ZMYND8: variants seen among roughly 807,000 people sequenced by gnomAD.
ZMYND8 encodes zinc finger MYND-type containing 8, also known as MYND-type zinc finger-containing chromatin reader ZMYND8.
In ZMYND8, 37 loss-of-function variants were observed where a neutral mutation model predicts 140.8. The observed-to-expected ratio is 0.26, with a 90% CI of 0.20 to 0.35. The LOEUF is 0.35. ZMYND8 is among the 10% of genes least tolerant of loss of function. The probability of loss-of-function intolerance (pLI) is 1.00; values close to 1 mark genes in which losing one functional copy is unlikely to be tolerated. For missense variants in ZMYND8, 1,068 were observed against 1,570.0 expected (o/e 0.68, Z 5.40); for synonymous variants, 592 against 597.1 (o/e 0.99, Z 0.12).
intron 2 of ZMYND8, among the ~76,000 whole-genome samples, chr20:47,343,497 T>C (rs2082076236): frequency 6.6e-6 from 1 of 152,120 alleles, no homozygotes; most frequent in South Asian, 2.1e-4. Flanking sequence ...AAAAGACTAA[T>C]ACCCCATACA....
At chr20:47,287,743 A>G (rs567944791) in intron 7 of ZMYND8, among the ~76,000 whole-genome samples, 1 of 152,196 alleles carries the variant, frequency 6.6e-6, no homozygotes, top group East Asian at 1.9e-4. Context: ...TGTAATCCCA[A>G]CACCTTGGGA....
chr20:47,224,194 G>T, intron 19 of ZMYND8, 123 bp downstream of exon 19: 1 of 1,474,044 alleles, frequency 6.8e-7, no homozygotes, highest in Non-Finnish European at 9.1e-7. Flanking sequence ...GTTTTTGAGT[G>T]AAAGTGTCCA....
At chr20:47,293,216 CAGGG>C (rs1306119803) in intron 5 of ZMYND8, among the ~76,000 whole-genome samples, 7 of 8,778 alleles carry the variant, frequency 8.0e-4, no homozygotes, top group Middle Eastern at 0.12. Flanking sequence ...GGCAGGCAGG[CAGGG>C]AGGGAGGGAG....
chr20:47,276,245 C>T (rs2076249738), intron 11 of ZMYND8, 69 bp downstream of exon 11: 2 of 1,464,874 alleles, frequency 1.4e-6, no homozygotes. Flanking sequence ...TTGGGCCCAC[C>T]AAGTGTGCAC....
chr20:47,209,333 CAAAG>C lies in ZMYND8; in HGVS notation c.*1424_*1427del, dbSNP rs1306311446. ...TAGTGTGAGTCTACTGGCTCAGTCA[CAAAG>C]AAACACCACCATCAAAAAGATATTT... On this transcript the variant is annotated 3_prime_UTR_variant, in exon 23 of 23. Coordinates refer to ENST00000471951, the MANE Select transcript of ZMYND8 (RefSeq NM_001281775.3). 1.3e-5 allele frequency: 2 copies of C among 152,022 alleles called. No homozygotes were observed. The highest frequency in any genetic ancestry group is 2.4e-5 in the African/African-American group (1 of 41,388). The allele number at this position is 152,022 out of a possible 1,614,324, so 9.4% of individuals were successfully genotyped here. A position where few individuals can be genotyped will look rare whatever the true frequency, so the allele number is the denominator to read the frequency against.
chr20:47,213,709 C>T (rs1345847748), intron 21 of ZMYND8, among the ~76,000 whole-genome samples: 1 of 152,142 alleles, frequency 6.6e-6, no homozygotes, highest in Non-Finnish European at 1.5e-5. Context: ...GCTAAGGAGG[C>T]AAGTGTTTCA....
intron 21 of ZMYND8, 38 bp from the exon 22 acceptor site, chr20:47,212,763 A>C: frequency 6.4e-7 from 1 of 1,561,346 alleles, no homozygotes; most frequent in East Asian, 2.3e-5. Context: ...AGTCTGTCAG[A>C]GAGCTGGAAT....
chr20:47,311,456 C>A (rs2078924742), intron 2 of ZMYND8, among the ~76,000 whole-genome samples: 1 of 152,094 alleles, frequency 6.6e-6, no homozygotes, highest in African/African-American at 2.4e-5. Flanking sequence ...GAGATCAAGA[C>A]CAGCTGGGCC....
At chr20:47,257,480 A>AACACACACATACATACTTATATACCAT (rs1402479244) in intron 12 of ZMYND8, among the ~76,000 whole-genome samples, 32 of 151,928 alleles carry the variant, frequency 2.1e-4, no homozygotes, top group Non-Finnish European at 5.9e-5. Flanking sequence ...ACGCAAATAC[A>AACACACACATACATACTTATATACCAT]ACACACACAT....
At position 47,291,755 on chromosome 20, in the gene ZMYND8, A is replaced by G. The variant is rs766690149; in HGVS notation, c.660+41T>C. 4.5e-6 allele frequency: 7 copies of G among 1,554,460 alleles called. No individual in the cohort carries two copies. In the South Asian group the frequency reaches 4.7e-5, roughly 10 times the overall value. Reference sequence around the variant, plus strand: ...TGAGGGAAGAGCCTTAGGCATCTCAACTGTGGGCTAGAATGGTGAGGTTCT... The same window carrying G: ...TGAGGGAAGAGCCTTAGGCATCTCAGCTGTGGGCTAGAATGGTGAGGTTCT... On this transcript the variant is annotated intron_variant, in intron 6 of 22. Transcript: ENST00000471951.
At chr20:47,348,016 C>A (rs762498950) in intron 1 of ZMYND8, 90 bp from the exon 2 acceptor site, 7 of 1,238,944 alleles carry the variant, frequency 5.6e-6, no homozygotes, top group Non-Finnish European at 8.2e-6. Flanking sequence ...AACAAACACA[C>A]CTTAAAGACA....
intron 12 of ZMYND8, among the ~76,000 whole-genome samples, chr20:47,259,666 C>CCAGAA (rs1306715570): frequency 6.6e-6 from 1 of 152,148 alleles, no homozygotes; most frequent in African/African-American, 2.4e-5. Flanking sequence ...TCCTCCTCAA[C>CCAGAA]CAGAACTCCA....
chr20:47,273,256 G>A lies in ZMYND8; in HGVS notation c.1480+3058C>T, dbSNP rs551439354. 2.8e-4 allele frequency among the ~76,000 whole-genome samples: 43 copies of A among 152,302 alleles called. No individual in the cohort carries two copies. In the South Asian group the frequency reaches 8.5e-3, roughly 30 times the overall value. The stretch of plus-strand genomic sequence containing the variant: ...GGGGGGAAAAGAATTAATAGCTCAT[G>A]AAACATGCAACTTATATGAAATTTA... On this transcript the variant is annotated intron_variant, in intron 11 of 22. Transcript: ENST00000471951.
At chr20:47,302,335 C>T (rs1365863448) in intron 3 of ZMYND8, among the ~76,000 whole-genome samples, 1 of 152,110 alleles carries the variant, frequency 6.6e-6, no homozygotes, top group African/African-American at 2.4e-5. Context: ...ATTAGCTGGG[C>T]ATGGTGGCAC....
intron 2 of ZMYND8, among the ~76,000 whole-genome samples, chr20:47,346,946 A>C: frequency 6.6e-6 from 1 of 152,152 alleles, no homozygotes; most frequent in East Asian, 1.9e-4. Context: ...TTTTGGTTTC[A>C]GACGCCTTTA....
At chr20:47,317,088 A>G (rs1305523456) in intron 2 of ZMYND8, among the ~76,000 whole-genome samples, 1 of 152,154 alleles carries the variant, frequency 6.6e-6, no homozygotes, top group East Asian at 1.9e-4. Context: ...GGACTCCCTA[A>G]TTTAGGGTCT....
intron 16 of ZMYND8, among the ~76,000 whole-genome samples, chr20:47,232,906 G>T (rs6018351): frequency 0.031 from 3,794 of 123,252 alleles, 169 homozygotes; most frequent in African/African-American, 0.12. Context: ...TGTTTTTTTT[G>T]TTTTTTTTTT....
At chr20:47,309,327 G>A (rs1478638796) in intron 3 of ZMYND8, among the ~76,000 whole-genome samples, 1 of 150,282 alleles carries the variant, frequency 6.7e-6, no homozygotes, top group East Asian at 1.9e-4. Context: ...TTTTTTCTGA[G>A]ATAGAGTCTC....
chr20:47,287,334 C>T (rs1437473185), intron 7 of ZMYND8, 50 bp from the exon 8 acceptor site: 7 of 1,490,582 alleles, frequency 4.7e-6, no homozygotes, highest in Middle Eastern at 1.7e-4. Context: ...ACCGCAACAC[C>T]GGGCCTGGGG....
Sources: gnomAD v4.1 joint callset for allele counts (sites outside exome capture counted in the v4.1 genomes callset) on GRCh38, gnomAD v4.1.1 for gene constraint, MANE v1.5 for transcripts, NCBI Gene and HGNC (gene_info 2026-07-23, HGNC 2026-07-21) for gene names.